Variants in CEP126 observed in about 807,000 individuals in gnomAD.
CEP126 encodes the protein centrosomal protein 126.
A neutral mutation model predicts 107.8 loss-of-function variants in CEP126; 74 were observed. That is an observed-to-expected ratio of 0.69 (90% CI 0.57 to 0.83). CEP126 has a LOEUF of 0.83. Ranked by LOEUF, CEP126 falls within the 40% of genes least tolerant of loss-of-function variation. CEP126 has a pLI of 0.00. For synonymous variants in CEP126, 449 were observed against 446.0 expected (o/e 1.01, Z -0.08); for missense variants, 1,237 against 1,281.9 (o/e 0.96, Z 0.53).
At chr11:101,977,905 CTTCTT>C (rs1565367018) in intron 6 of CEP126, among the ~76,000 whole-genome samples, 1 of 152,156 alleles carries the variant, frequency 6.6e-6, no homozygotes, top group African/African-American at 2.4e-5. Context: ...AATTTTAACT[CTTCTT>C]TTAAGATAAC....
chr11:101,970,863 CTG>C (rs1429131595), intron 6 of CEP126, among the ~76,000 whole-genome samples: 1 of 152,164 alleles, frequency 6.6e-6, no homozygotes, highest in Non-Finnish European at 1.5e-5. Context: ...GATGAGGAAA[CTG>C]GGTCACAGAG....
chr11:101,944,123 T>C, intron 2 of CEP126, 142 bp from the exon 3 acceptor site: 2 of 707,174 alleles, frequency 2.8e-6, no homozygotes, highest in East Asian at 3.2e-5. Flanking sequence ...GGCAAACACC[T>C]GTTTTAAAAA....
intron 1 of CEP126, among the ~76,000 whole-genome samples, chr11:101,920,848 T>C (rs528330970): frequency 5.6e-4 from 85 of 152,274 alleles, no homozygotes; most frequent in African/African-American, 2.0e-3. Context: ...TCAAGCAGTC[T>C]GCCCACCTTG....
At chr11:101,959,180 T>A (rs2137109396) in intron 5 of CEP126, among the ~76,000 whole-genome samples, 1 of 151,860 alleles carries the variant, frequency 6.6e-6, no homozygotes, top group African/African-American at 2.4e-5. Context: ...TTTTTTGAGA[T>A]GGAGTCTCAC....
chr11:101,992,983 T>TCA, intron 10 of CEP126, 141 bp downstream of exon 10: 2 of 765,130 alleles, frequency 2.6e-6, no homozygotes, highest in Non-Finnish European at 3.6e-6. Flanking sequence ...AACTGGCTTT[T>TCA]TATTATAAGA....
intron 2 of CEP126, among the ~76,000 whole-genome samples, chr11:101,929,070 ATTC>A (rs1940453224): frequency 6.6e-6 from 1 of 151,984 alleles, no homozygotes; most frequent in Non-Finnish European, 1.5e-5. Flanking sequence ...TTTTCATTTG[ATTC>A]TTCTTTATAT....
rs1194460125 is a variant in CEP126, at chr11:101,997,722, A to C, written c.*79A>C. On this transcript the variant is annotated 3_prime_UTR_variant, in exon 11 of 11. Coordinates refer to ENST00000263468, the MANE Select transcript of CEP126 (RefSeq NM_020802.4). ...GCATACCGTTTTGTGAAAACCAGCC[A>C]TAGGAAAACATGTGAGCAACAACCC... is the stretch of plus-strand genomic sequence containing the variant. 4 of 1,594,686 alleles carry C rather than the reference A, an allele frequency of 2.5e-6. No individual in the cohort carries two copies. Among genetic ancestry groups the C allele is most frequent in the Non-Finnish European group, 3.4e-6 (4 of 1,168,500 alleles).
intron 9 of CEP126, among the ~76,000 whole-genome samples, chr11:101,991,449 A>T (rs1941380931): frequency 6.6e-6 from 1 of 152,228 alleles, no homozygotes; most frequent in Admixed American, 6.5e-5. Flanking sequence ...AGATGCAAAG[A>T]TGACCAAGAT....
At chr11:101,955,802 G>T (rs991741174) in intron 4 of CEP126, 3 of 448,620 alleles carry the variant, frequency 6.7e-6, no homozygotes, top group Non-Finnish European at 1.3e-5. Flanking sequence ...ATCCATTCCT[G>T]CCTGTCCAGC....
At chr11:101,973,585 T>C (rs1274054808) in intron 6 of CEP126, among the ~76,000 whole-genome samples, 2 of 152,148 alleles carry the variant, frequency 1.3e-5, no homozygotes, top group Non-Finnish European at 2.9e-5. Context: ...GATGGGTTGA[T>C]AGGTGCAGCA....
intron 2 of CEP126, 109 bp downstream of exon 2, chr11:101,922,869 G>T: frequency 1.2e-6 from 1 of 814,906 alleles, no homozygotes. Context: ...AGTGTTATCT[G>T]TGAAACATTG....
chr11:101,943,081 G>A (rs1320434668), intron 2 of CEP126, among the ~76,000 whole-genome samples: 3 of 149,878 alleles, frequency 2.0e-5, no homozygotes, highest in African/African-American at 7.3e-5. Flanking sequence ...TTCCAGTCCG[G>A]ATGCCTTTTT....
In CEP126 at chr11:101,992,295, T is replaced by A. The variant is rs997915181; in HGVS notation, c.3245-483T>A. On this transcript the variant is annotated intron_variant, in intron 9 of 10. Transcript: ENST00000263468. ...TTTTTGTTTGATACTTCTACATATT[T>A]AAATGCTTCATGTAAAAGATTCTGC... Among the ~76,000 whole-genome samples, 5 of 152,248 alleles carry A rather than the reference T, an allele frequency of 3.3e-5. 1 individual carries two copies. The South Asian group carries it at 6.2e-4, about 19-fold the overall frequency.
intron 10 of CEP126, among the ~76,000 whole-genome samples, chr11:101,993,408 G>T (rs138262732): frequency 0.011 from 1,661 of 152,272 alleles, 29 homozygotes; most frequent in African/African-American, 0.038. Context: ...TTTTATGGCT[G>T]CATAGTATTC....
intron 10 of CEP126, 72 bp from the exon 11 acceptor site, chr11:101,997,527 A>C: frequency 1.2e-6 from 2 of 1,610,216 alleles, no homozygotes; most frequent in South Asian, 1.1e-5. Flanking sequence ...ACTATTTGAC[A>C]TGTCAGCCTA....
At chr11:101,988,631 T>C (rs1347347328) in intron 9 of CEP126, among the ~76,000 whole-genome samples, 2 of 152,114 alleles carry the variant, frequency 1.3e-5, no homozygotes, top group African/African-American at 4.8e-5. Flanking sequence ...TCAGGAGATA[T>C]TGACAACATG....
chr11:101,981,331 T>A (rs1941251964), intron 7 of CEP126, among the ~76,000 whole-genome samples: 1 of 152,166 alleles, frequency 6.6e-6, no homozygotes, highest in Non-Finnish European at 1.5e-5. Flanking sequence ...TCTCGCTCTG[T>A]CACCCAGGCT....
Position 101,963,875 on chromosome 11 carries a change from C to T in CEP126, c.2840C>T (p.Ala947Val). Residue 947 changes from alanine to valine, a missense_variant, in exon 6 of 11, where the codon GCT becomes GTT. Coordinates refer to ENST00000263468, the MANE Select transcript of CEP126 (RefSeq NM_020802.4). Reference sequence around the variant, plus strand: ...AATGTCCTGCATCAAAATAAGAGGGCTACAGGTAAGAATAAATTTATAGCT... The same window carrying T: ...AATGTCCTGCATCAAAATAAGAGGGTTACAGGTAAGAATAAATTTATAGCT... ...GPNVLHQNKR[A>V]TGSTVMRRKR... 3 of 1,579,294 alleles carry T rather than the reference C, an allele frequency of 1.9e-6. No homozygotes were observed. Among genetic ancestry groups the T allele is most frequent in the Non-Finnish European group, 2.6e-6 (3 of 1,162,280 alleles).
At position 101,962,569 on chromosome 11, in the gene CEP126, A is replaced by G; in HGVS notation, c.1534A>G (p.Lys512Glu). Residue 512 changes from lysine (K) to glutamate (E), a missense_variant, in exon 6 of 11, where the codon AAG becomes GAG. Transcript: ENST00000263468. Reference sequence around the variant, plus strand: ...AGAGATAAAATATTTTAATTGCAATAAGGAAGAGTTGCCTTTATTTTCAGA... The same window carrying G: ...AGAGATAAAATATTTTAATTGCAATGAGGAAGAGTTGCCTTTATTTTCAGA... Reference protein sequence around the residue: ...EEEIKYFNCNKEELPLFSDSF... With the variant: ...EEEIKYFNCNEEELPLFSDSF... 1 of 1,613,258 alleles carries G rather than the reference A, an allele frequency of 6.2e-7. No homozygotes were observed. The highest frequency in any genetic ancestry group is 8.5e-7 in the Non-Finnish European group (1 of 1,179,440).
Sources: allele counts gnomAD v4.1 joint callset (sites outside exome capture counted in the v4.1 genomes callset), GRCh38; gene constraint gnomAD v4.1.1; transcripts MANE v1.5; gene names NCBI Gene and HGNC (gene_info 2026-07-23, HGNC 2026-07-21).